RTN4RL1: variants seen among roughly 807,000 people sequenced by gnomAD.
RTN4RL1 encodes reticulon 4 receptor like 1.
Under a neutral mutation model 25.6 loss-of-function variants are expected in RTN4RL1, and 7 were observed. The ratio of observed to expected loss-of-function variants is 0.27; its 90% CI spans 0.16 to 0.51. The LOEUF (loss-of-function observed/expected upper bound fraction) is 0.51, where lower values mean the gene tolerates loss of function less well. Ranked by LOEUF, RTN4RL1 falls within the 20% of genes least tolerant of loss-of-function variation. The probability of loss-of-function intolerance (pLI) is 0.97; values close to 1 mark genes in which losing one functional copy is unlikely to be tolerated. For synonymous variants in RTN4RL1, 297 were observed against 288.2 expected, an observed-to-expected ratio of 1.03 and a Z score of -0.31; for missense variants, 500 against 615.6, an observed-to-expected ratio of 0.81 and a Z score of 1.99.
chr17:1,948,761 G>C (rs1459565247), intron 1 of RTN4RL1, among the ~76,000 whole-genome samples: 2 of 152,084 alleles, frequency 1.3e-5, no homozygotes, highest in African/African-American at 4.8e-5. Context: ...GGGGTGTGAG[G>C]GGGAGGGCGT....
Position 2,025,017 on chromosome 17 carries a change from C to G in RTN4RL1, c.-152G>C. 1 of 751,902 alleles carries G rather than the reference C, an allele frequency of 1.3e-6. No individual in the cohort carries two copies. Among genetic ancestry groups the G allele is most frequent in the East Asian group, 3.2e-5 (1 of 31,338 alleles). 46.6% of individuals were successfully genotyped at this position (751,902 alleles called of 1,614,324 possible). On this transcript the variant is annotated 5_prime_UTR_variant, in exon 1 of 2. Transcript: ENST00000331238. This position sits in a 1 kb window ranked among gnomAD's most constrained non-coding sequence, Gnocchi z 4.8. ...GCTCGTGCCCGGTGGCCCGGCCCCG[C>G]AGGGGCATGGTGAGCTCCAGCCCCG...
chr17:1,950,761 G>A (rs1052444610), intron 1 of RTN4RL1, among the ~76,000 whole-genome samples: 6 of 140,550 alleles, frequency 4.3e-5, no homozygotes, highest in Admixed American at 3.2e-4. Flanking sequence ...GCTGAGAATC[G>A]CTTGAACCCC....
At chr17:1,995,732 TG>T (rs1295212453) in intron 1 of RTN4RL1, 2 of 152,260 alleles carry the variant, frequency 1.3e-5, no homozygotes, top group Non-Finnish European at 2.9e-5. Context: ...TCTTGCTAAT[TG>T]GTTCGAATCG....
chr17:1,952,332 G>GTTTTTTT (rs56878786), intron 1 of RTN4RL1, among the ~76,000 whole-genome samples: 1 of 135,444 alleles, frequency 7.4e-6, no homozygotes. Flanking sequence ...AGGGAGGTTG[G>GTTTTTTT]TTTTTTTTTT....
At chr17:2,024,822 A>G in intron 1 of RTN4RL1, 31 bp downstream of exon 1, 1 of 1,561,808 alleles carries the variant, frequency 6.4e-7, no homozygotes, top group East Asian at 2.4e-5. Context: ...AGCGCATTCA[A>G]CTTCAACTTG....
At chr17:2,002,527 C>CAG (rs2066966333) in intron 1 of RTN4RL1, among the ~76,000 whole-genome samples, 1 of 151,518 alleles carries the variant, frequency 6.6e-6, no homozygotes. Context: ...CTCCTGACCT[C>CAG]GTGATCCGCC....
chr17:1,948,504 C>A (rs1009005155), intron 1 of RTN4RL1, among the ~76,000 whole-genome samples: 1 of 152,222 alleles, frequency 6.6e-6, no homozygotes, highest in Non-Finnish European at 1.5e-5. Context: ...TGCCCCTCCC[C>A]CAAAGCTACA....
Position 1,938,593 on chromosome 17 carries a change from C to T in RTN4RL1, c.14-785G>A, listed in dbSNP as rs1002349114. ...GATTACAGGTGTGAGCCACCGCGCCCGGCCAGAATCTCTTTATTTGAATCA... is the reference window on the plus strand; with the variant it reads ...GATTACAGGTGTGAGCCACCGCGCCTGGCCAGAATCTCTTTATTTGAATCA... On this transcript the variant is annotated intron_variant, in intron 1 of 1. Transcript: ENST00000331238. 9.2e-5 allele frequency among the ~76,000 whole-genome samples: 14 copies of T among 151,988 alleles called. 1 individual carries two copies. In the South Asian group the frequency reaches 1.7e-3, roughly 18 times the overall value.
chr17:1,968,340 TCTC>T (rs943968737), intron 1 of RTN4RL1, among the ~76,000 whole-genome samples: 8 of 151,824 alleles, frequency 5.3e-5, no homozygotes, highest in African/African-American at 1.9e-4. Flanking sequence ...GACGCTGCCT[TCTC>T]CTCTCCCCTT....
At chr17:2,024,804 C>T (rs2067251705) in intron 1 of RTN4RL1, 49 bp downstream of exon 1, 1 of 1,545,030 alleles carries the variant, frequency 6.5e-7, no homozygotes, top group Non-Finnish European at 8.7e-7. Context: ...GCTCGCGGCT[C>T]TTTCCGGAGC....
intron 1 of RTN4RL1, among the ~76,000 whole-genome samples, chr17:1,987,491 T>C (rs2066892087): frequency 6.6e-6 from 1 of 152,122 alleles, no homozygotes; most frequent in African/African-American, 2.4e-5. Context: ...GGAGACACCA[T>C]GGGCTCAAGA....
intron 1 of RTN4RL1, among the ~76,000 whole-genome samples, chr17:1,939,255 A>G (rs1915388813): frequency 2.0e-5 from 3 of 151,942 alleles, no homozygotes; most frequent in Admixed American, 2.0e-4. Flanking sequence ...TGGGAGGCTG[A>G]GGCAGGAGAA....
chr17:2,005,069 G>A (rs72809514), intron 1 of RTN4RL1, among the ~76,000 whole-genome samples: 45,103 of 152,086 alleles, frequency 0.3, 7,267 homozygotes, highest in East Asian at 0.55. Context: ...GCAGTGGCAC[G>A]ATCTTAGCTC....
intron 1 of RTN4RL1, among the ~76,000 whole-genome samples, chr17:1,950,845 CCAAAAAAAAA>C (rs1219393072): frequency 2.4e-5 from 1 of 41,422 alleles, no homozygotes; most frequent in African/African-American, 1.2e-4. Context: ...GACACAGTCT[CCAAAAAAAAA>C]AAAAAAAAAA....
intron 1 of RTN4RL1, among the ~76,000 whole-genome samples, chr17:1,952,718 C>T (rs192677645): frequency 1.8e-4 from 28 of 152,096 alleles, no homozygotes; most frequent in African/African-American, 6.5e-4. Flanking sequence ...AAATTTCCTT[C>T]AGAGGCAACC....
intron 1 of RTN4RL1, among the ~76,000 whole-genome samples, chr17:1,968,999 C>T (rs2066805717): frequency 6.6e-6 from 1 of 151,354 alleles, no homozygotes; most frequent in African/African-American, 2.4e-5. Flanking sequence ...TAGCAACCAG[C>T]CCAGGAAGCC....
chr17:1,989,724 C>G (rs1419387343), intron 1 of RTN4RL1, among the ~76,000 whole-genome samples: 1 of 152,020 alleles, frequency 6.6e-6, no homozygotes, highest in South Asian at 2.1e-4. Flanking sequence ...CAGGTGCATG[C>G]CACCATGCTT....
Position 1,937,651 on chromosome 17 carries a change from C to A in RTN4RL1, c.171G>T (p.Glu57Asp). The stretch of plus-strand genomic sequence containing the variant: ...TGCGGTTGTTCTGCAGGAAGACGCG[C>A]TCGCTGTCCACGGGGATGCCCTCCG... ...AIPEGIPVDS[E>D]RVFLQNNRIG... Residue 57 changes from glutamate to aspartate, a missense_variant, in exon 2 of 2, where the codon GAG becomes GAT. Glu to Asp is a conservative substitution (Grantham distance 45). Coordinates refer to ENST00000331238, the MANE Select transcript of RTN4RL1 (RefSeq NM_178568.4). 6.2e-7 allele frequency: 1 copy of A among 1,613,846 alleles called. No homozygotes were observed. The highest frequency in any genetic ancestry group is 8.5e-7 in the Non-Finnish European group (1 of 1,179,828).
intron 1 of RTN4RL1, among the ~76,000 whole-genome samples, chr17:1,999,249 C>G (rs2066945207): frequency 6.6e-6 from 1 of 151,632 alleles, no homozygotes; most frequent in Admixed American, 6.6e-5. Flanking sequence ...AGTTGGAGAC[C>G]ATCCTGGCCA....
Sources: gnomAD v4.1 joint callset for allele counts (sites outside exome capture counted in the v4.1 genomes callset) on GRCh38, gnomAD v4.1.1 for gene constraint, Gnocchi (gnomAD v3.1) non-coding constraint, MANE v1.5 for transcripts, NCBI Gene and HGNC (gene_info 2026-07-23, HGNC 2026-07-21) for gene names.